RAB11B: variants seen among roughly 807,000 people sequenced by gnomAD.
The protein encoded by RAB11B is ras-related protein Rab-11B.
A neutral mutation model predicts 23.7 loss-of-function variants in RAB11B; 7 were observed. The observed-to-expected ratio is 0.29, with a 90% confidence interval of 0.17 to 0.55. RAB11B has a LOEUF of 0.55. RAB11B is among the 20% of genes least tolerant of loss of function. The pLI, the probability that RAB11B is intolerant of heterozygous loss-of-function variation, is 0.93. For missense variants in RAB11B, 189 were observed against 320.0 expected (o/e 0.59, Z 3.12); for synonymous variants, 138 against 132.0 (o/e 1.05, Z -0.31).
intron 1 of RAB11B, among the ~76,000 whole-genome samples, chr19:8,391,383 G>A (rs77001210): frequency 0.018 from 2,672 of 152,344 alleles, 79 homozygotes; most frequent in African/African-American, 0.06. Flanking sequence ...CAACACGTGC[G>A]CACTGATGGC....
rs1017459626 is a variant in RAB11B, at chr19:8,403,790, G to A, written c.*232G>A. 1.8e-5 allele frequency: 10 copies of A among 547,596 alleles called. No individual in the cohort carries two copies. Among genetic ancestry groups the A allele is most frequent in the South Asian group, 3.0e-5 (1 of 32,816 alleles). The allele number at this position is 547,596 out of a possible 1,614,324, so 33.9% of individuals were successfully genotyped here. A position where few individuals can be genotyped will look rare whatever the true frequency, so the allele number is the denominator to read the frequency against. On this transcript the variant is annotated 3_prime_UTR_variant, in exon 5 of 5. Transcript: ENST00000328024. ...CCCATGAAACTCGGGTCCCCACAGC[G>A]TCTTGGCGGGGTGGGGAGGGCGGCA...
At chr19:8,399,053 C>T (rs561504211) in intron 1 of RAB11B, among the ~76,000 whole-genome samples, 5 of 151,682 alleles carry the variant, frequency 3.3e-5, no homozygotes, top group Admixed American at 6.6e-5. Context: ...CCCGGATTCA[C>T]GCCATTCTCC....
chr19:8,396,292 G>A lies in RAB11B; in HGVS notation c.41-3571G>A, dbSNP rs925857025. On this transcript the variant is annotated intron_variant, in intron 1 of 4. Transcript: ENST00000328024. This position sits in a 1 kb window ranked among gnomAD's most constrained non-coding sequence, Gnocchi z 5.0. ...TCTAGGTATGGGGCAGGCGGCATGCGTGGGAGGCTCTGCCAGCCTTTTTGG... is the reference window on the plus strand; with the variant it reads ...TCTAGGTATGGGGCAGGCGGCATGCATGGGAGGCTCTGCCAGCCTTTTTGG... Among the ~76,000 whole-genome samples, 20 of 152,300 alleles carry A rather than the reference G, an allele frequency of 1.3e-4. No individual in the cohort carries two copies. The highest frequency in any genetic ancestry group is 3.4e-3 in the Middle Eastern group (1 of 294).
chr19:8,393,417 TG>T (rs1971373439), intron 1 of RAB11B, among the ~76,000 whole-genome samples: 1 of 152,162 alleles, frequency 6.6e-6, no homozygotes. Context: ...CCCTGTCCTC[TG>T]GGTCTTGTCC....
At chr19:8,402,788 G>A (rs932952963) in intron 4 of RAB11B, 12 of 580,322 alleles carry the variant, frequency 2.1e-5, no homozygotes, top group Non-Finnish European at 3.3e-5. Context: ...TCAGCCTCCC[G>A]AGTAGCTGGG....
intron 1 of RAB11B, 125 bp from the exon 2 acceptor site, chr19:8,399,738 A>G (rs1265773703): frequency 9.4e-7 from 1 of 1,063,446 alleles, no homozygotes; most frequent in African/African-American, 1.6e-5. Flanking sequence ...GGCTCCAGGC[A>G]TCTCTCGACT....
rs181861116 is a variant in RAB11B, at chr19:8,390,686, C to T, written c.40+230C>T. ...GAGACCTGGGGGACCTAGGACGCGC[C>T]GGGGCGGGGCCAGAGCCTAGAGGGG... On this transcript the variant is annotated intron_variant, in intron 1 of 4. Coordinates refer to ENST00000328024, the MANE Select transcript of RAB11B (RefSeq NM_004218.4). 5.3e-3 allele frequency: 2,169 copies of T among 409,882 alleles called. 4 individuals are homozygous for T. Among genetic ancestry groups the T allele is most frequent in the Non-Finnish European group, 7.4e-3 (1,783 of 241,068 alleles). 25.4% of individuals were successfully genotyped at this position (409,882 alleles called of 1,614,324 possible). A position where few individuals can be genotyped will look rare whatever the true frequency, so the allele number is the denominator to read the frequency against.
Position 8,403,270 on chromosome 19 carries a change from A to G in RAB11B, c.512-143A>G, listed in dbSNP as rs538034370. The G allele has an allele frequency of 5.2e-5, 55 of 1,053,848 alleles. No individual in the cohort carries two copies. The African/African-American group carries it at 8.4e-4, about 16-fold the overall frequency. The allele number at this position is 1,053,848 out of a possible 1,614,324, so 65.3% of individuals were successfully genotyped here. Reference sequence around the variant, plus strand: ...AGATGTGGGTCCTGGCTGGGTGCGCAGCCCCTGTCCTTGTTACCCCTGATG... The same window carrying G: ...AGATGTGGGTCCTGGCTGGGTGCGCGGCCCCTGTCCTTGTTACCCCTGATG... On this transcript the variant is annotated intron_variant, in intron 4 of 4. Coordinates refer to ENST00000328024, the MANE Select transcript of RAB11B (RefSeq NM_004218.4).
intron 1 of RAB11B, among the ~76,000 whole-genome samples, chr19:8,391,880 A>G (rs560428639): frequency 4.0e-5 from 6 of 151,822 alleles, no homozygotes; most frequent in Non-Finnish European, 8.8e-5. Context: ...AAGTGCCTCT[A>G]CAAGGGCCTA....
chr19:8,396,477 G>A lies in RAB11B; in HGVS notation c.41-3386G>A, dbSNP rs749796024. The stretch of plus-strand genomic sequence containing the variant: ...GAGTGACGGAGGAAGAACTGGGTCC[G>A]GGAGCAGGGTAATTCGGAGAGTAGA... On this transcript the variant is annotated intron_variant, in intron 1 of 4. Coordinates refer to ENST00000328024, the MANE Select transcript of RAB11B (RefSeq NM_004218.4). This position sits in a 1 kb window ranked among gnomAD's most constrained non-coding sequence, Gnocchi z 5.0. Among the ~76,000 whole-genome samples the A allele has an allele frequency of 6.6e-5, 10 of 152,166 alleles. No individual in the cohort carries two copies. The highest frequency in any genetic ancestry group is 2.4e-4 in the African/African-American group (10 of 41,434).
At chr19:8,399,560 C>T (rs532883880) in intron 1 of RAB11B, among the ~76,000 whole-genome samples, 4 of 152,348 alleles carry the variant, frequency 2.6e-5, no homozygotes, top group South Asian at 4.1e-4. Flanking sequence ...TGATGGATCT[C>T]AAGCTGCTCT....
Position 8,403,600 on chromosome 19 carries a change from G to A in RAB11B, c.*42G>A, listed in dbSNP as rs748341027. 47 of 1,577,578 alleles carry A rather than the reference G, an allele frequency of 3.0e-5. No individual in the cohort carries two copies. The East Asian group carries it at 7.7e-4, about 26-fold the overall frequency. On this transcript the variant is annotated 3_prime_UTR_variant, in exon 5 of 5. Transcript: ENST00000328024. ...CAGCGTGCGTGCACGTCCTCCGCCC[G>A]CCCCCGCCACGGTATCCTCTGGCCC...
intron 2 of RAB11B, 105 bp downstream of exon 2, chr19:8,400,163 T>C: frequency 7.5e-7 from 1 of 1,324,910 alleles, no homozygotes; most frequent in Non-Finnish European, 1.0e-6. Flanking sequence ...AAGGGGAGAG[T>C]GTGCTCCCAA....
intron 1 of RAB11B, among the ~76,000 whole-genome samples, chr19:8,391,971 C>G (rs756691559): frequency 2.0e-5 from 3 of 152,008 alleles, no homozygotes; most frequent in Non-Finnish European, 2.9e-5. Context: ...CTGTGGTCAG[C>G]AGGTGCCCGG....
intron 1 of RAB11B, among the ~76,000 whole-genome samples, chr19:8,395,693 G>C (rs1971391761): frequency 6.6e-6 from 1 of 152,210 alleles, no homozygotes; most frequent in Non-Finnish European, 1.5e-5. Flanking sequence ...GGAGAGGTCT[G>C]AGCCGAGGGG....
Position 8,396,423 on chromosome 19 carries a change from A to G in RAB11B, c.41-3440A>G, listed in dbSNP as rs1712225949. Among the ~76,000 whole-genome samples the G allele has an allele frequency of 6.6e-6, 1 of 152,204 alleles. No individual in the cohort carries two copies. Among genetic ancestry groups the G allele is most frequent in the African/African-American group, 2.4e-5 (1 of 41,440 alleles). On this transcript the variant is annotated intron_variant, in intron 1 of 4. Transcript: ENST00000328024. This position sits in a 1 kb window ranked among gnomAD's most constrained non-coding sequence, Gnocchi z 5.0. ...CTTGGGGCAGACTGGCAAAAGATAAATGCCACCTGACAGGTGAGAGAGTGG... is the reference window on the plus strand; with the variant it reads ...CTTGGGGCAGACTGGCAAAAGATAAGTGCCACCTGACAGGTGAGAGAGTGG...
intron 1 of RAB11B, among the ~76,000 whole-genome samples, chr19:8,395,360 G>A (rs536954337): frequency 2.6e-4 from 37 of 143,038 alleles, no homozygotes; most frequent in Non-Finnish European, 4.6e-4. Flanking sequence ...TGCAACCTCC[G>A]CCTCCCAGGT....
At chr19:8,392,404 T>G (rs1216586351) in intron 1 of RAB11B, among the ~76,000 whole-genome samples, 1 of 150,294 alleles carries the variant, frequency 6.7e-6, no homozygotes, top group East Asian at 2.0e-4. Flanking sequence ...GACTGCTTCC[T>G]GGAAACACTG....
Position 8,396,151 on chromosome 19 carries a change from G to T in RAB11B, c.41-3712G>T, listed in dbSNP as rs1971395212. 6.6e-6 allele frequency among the ~76,000 whole-genome samples: 1 copy of T among 152,208 alleles called. No homozygotes were observed. The highest frequency in any genetic ancestry group is 2.4e-5 in the African/African-American group (1 of 41,454). On this transcript the variant is annotated intron_variant, in intron 1 of 4. Transcript: ENST00000328024. This position sits in a 1 kb window ranked among gnomAD's most constrained non-coding sequence, Gnocchi z 5.0. ...CACAAGCTCATCGAATATTCTCCTT[G>T]TTCTTGTTATTCTTGGCTTCCAAGC...
Sources: gnomAD v4.1 joint callset for allele counts (sites outside exome capture counted in the v4.1 genomes callset) on GRCh38, gnomAD v4.1.1 for gene constraint, Gnocchi (gnomAD v3.1) non-coding constraint, MANE v1.5 for transcripts, NCBI Gene and HGNC (gene_info 2026-07-23, HGNC 2026-07-21) for gene names.